The following APOL5 variants were observed in gnomAD, a reference collection of about 807,000 sequenced individuals.
The protein encoded by APOL5 is apolipoprotein L, 5.
A neutral mutation model predicts 35.5 loss-of-function variants in APOL5; 29 were observed. The observed-to-expected ratio is 0.82, with a 90% confidence interval of 0.61 to 1.11. The LOEUF is 1.11. Among genes scored for constraint, APOL5 ranks in the 50% most tolerant of loss-of-function variants. APOL5 has a pLI of 0.00. For synonymous variants in APOL5, 188 were observed against 200.2 expected, an observed-to-expected ratio of 0.94 and a Z score of 0.51; for missense variants, 514 against 530.4, an observed-to-expected ratio of 0.97 and a Z score of 0.30.
intron 3 of APOL5, among the ~76,000 whole-genome samples, chr22:35,728,373 G>A (rs1317375261): frequency 1.3e-5 from 2 of 152,108 alleles, no homozygotes; most frequent in Admixed American, 6.5e-5. Flanking sequence ...ACAGGCGCCC[G>A]CCACGACGCC....
At chr22:35,717,235 A>AAAAAAAAAAAAAAATATATATATATAT, upstream of APOL5, among the ~76,000 whole-genome samples, 2 of 57,662 alleles carry the variant, frequency 3.5e-5, no homozygotes, top group Non-Finnish European at 6.2e-5. Flanking sequence ...AAAAAAAAAA[A>AAAAAAAAAAAAAAATATATATATATAT]ATATATATAT....
chr22:35,712,791 C>G, the APOL5 span, among the ~76,000 whole-genome samples: 1 of 152,146 alleles, frequency 6.6e-6, no homozygotes, highest in South Asian at 2.1e-4. Context: ...GGCCTTCTAC[C>G]TGAATTTCTA....
chr22:35,729,010 G>T, intron 4 of APOL5, 106 bp downstream of exon 4: 1 of 1,272,172 alleles, frequency 7.9e-7, no homozygotes, highest in Non-Finnish European at 1.0e-6. Context: ...GCCTAACGGG[G>T]ACAGAGGTTG....
At chr22:35,720,545 C>T in intron 1 of APOL5, 23 bp from the exon 2 acceptor site, 1 of 1,611,962 alleles carries the variant, frequency 6.2e-7, no homozygotes, top group Non-Finnish European at 8.5e-7. Flanking sequence ...GAAGAAATGT[C>T]CCTGATCCTT....
At position 35,726,024 on chromosome 22, in the gene APOL5, A is replaced by T. The variant is rs1927140449; in HGVS notation, c.143-187A>T. 1.3e-5 allele frequency among the ~76,000 whole-genome samples: 2 copies of T among 152,242 alleles called. 1 individual carries two copies. Among genetic ancestry groups the T allele is most frequent in the South Asian group, 4.1e-4 (2 of 4,828 alleles). On this transcript the variant is annotated intron_variant, in intron 2 of 4. Transcript: ENST00000249044. ...CCCAAAGTTAGTTCAGCTTATGCCCAGAAGAATGAACGAGAACAGCTTGGA... is the reference window on the plus strand; with the variant it reads ...CCCAAAGTTAGTTCAGCTTATGCCCTGAAGAATGAACGAGAACAGCTTGGA...
In APOL5 at chr22:35,720,447, C is replaced by CT. The variant is rs1555930798; in HGVS notation, c.56-111dup. The CT allele has an allele frequency of 6.9e-3, 4,182 of 604,484 alleles. 5 individuals are homozygous for CT. Among genetic ancestry groups the CT allele is most frequent in the Admixed American group, 8.5e-3 (232 of 27,258 alleles). The allele number at this position is 604,484 out of a possible 1,614,324, so 37.4% of individuals were successfully genotyped here. A position where few individuals can be genotyped will look rare whatever the true frequency, so the allele number is the denominator to read the frequency against. On this transcript the variant is annotated intron_variant, in intron 1 of 4. Transcript: ENST00000249044. ...GAGACATTAAGATTTTTGTTGTATT[C>CT]TTTTTTTTTTCTAATTCTCCAATAT...
rs1467704869 is a variant in APOL5, at chr22:35,726,222, A to T, written c.154A>T (p.Asn52Tyr). The change falls in exon 3 of 5, where the codon AAC (asparagine) becomes TAC (tyrosine). Residue 52 changes from asparagine to tyrosine, a missense_variant. This residue lies in a region of APOL5 where 254 missense variants were observed against 254.7 expected (regional missense o/e 1.00). Coordinates refer to ENST00000249044, the MANE Select transcript of APOL5 (RefSeq NM_030642.1). ...CTAGATGTCTTTAGCCTCACTCGTG[A>T]ACCTGTGCCAGAGTTGGAAAATTAA... ...SPEPEFPSLV[N>Y]LCQSWKINNL... is the part of the protein sequence containing the mutation. 1 of 1,609,938 alleles carries T rather than the reference A, an allele frequency of 6.2e-7. No individual in the cohort carries two copies. Among genetic ancestry groups the T allele is most frequent in the Non-Finnish European group, 8.5e-7 (1 of 1,176,376 alleles).
upstream of APOL5, among the ~76,000 whole-genome samples, chr22:35,716,893 C>T (rs1291244062): frequency 1.0e-5 from 1 of 99,264 alleles, no homozygotes; most frequent in Non-Finnish European, 2.0e-5. Flanking sequence ...TTTTGTATTG[C>T]TCTATTTTCA....
chr22:35,727,651 G>A (rs1303731311), intron 3 of APOL5, among the ~76,000 whole-genome samples: 3 of 152,184 alleles, frequency 2.0e-5, no homozygotes, highest in Admixed American at 6.5e-5. Context: ...AGTCTGGGTG[G>A]CGACAGCTGA....
chr22:35,727,313 C>T, intron 3 of APOL5, 119 bp downstream of exon 3: 1 of 1,424,734 alleles, frequency 7.0e-7, no homozygotes, highest in Non-Finnish European at 9.3e-7. Flanking sequence ...GCCCCTTCTG[C>T]AAAGAGAGGA....
At chr22:35,714,237 G>A (rs1048776753), upstream of APOL5, among the ~76,000 whole-genome samples, 1 of 152,180 alleles carries the variant, frequency 6.6e-6, no homozygotes, top group Admixed American at 6.5e-5. Flanking sequence ...GCTTGAACCT[G>A]GGCGGCGGAG....
At chr22:35,724,512 T>C in intron 2 of APOL5, among the ~76,000 whole-genome samples, 1 of 152,284 alleles carries the variant, frequency 6.6e-6, no homozygotes, top group South Asian at 2.1e-4. Flanking sequence ...TGTATGTATA[T>C]CTTTATTAGG....
At position 35,726,704 on chromosome 22, in the gene APOL5, T is replaced by G. The variant is rs201680926; in HGVS notation, c.636T>G (p.His212Gln). 7.6e-5 allele frequency: 122 copies of G among 1,614,218 alleles called. No individual in the cohort carries two copies. The highest frequency in any genetic ancestry group is 9.4e-5 in the Non-Finnish European group (111 of 1,180,036). The change falls in exon 3 of 5, where the codon CAT becomes CAG. Residue 212 changes from histidine (H) to glutamine (Q), a missense_variant. Around this residue, in one of 3 missense-constraint regions of APOL5, gnomAD observed 254 missense variants for 254.7 expected, o/e 1.00. Transcript: ENST00000249044. ...ASRLGPLTTS[H>Q]EAFGGINWSE... ...GACTGGGGCCTCTGACAACATCACA[T>G]GAGGCTTTCGGAGGAATAAATTGGT...
the APOL5 span, among the ~76,000 whole-genome samples, chr22:35,710,600 T>A: frequency 6.6e-6 from 1 of 152,060 alleles, no homozygotes; most frequent in Non-Finnish European, 1.5e-5. Context: ...GTCAGTGGCA[T>A]TAGGTATATT....
upstream of APOL5, chr22:35,717,751 AAAGAAAGAAAAGAAAAG>A: frequency 8.3e-6 from 3 of 361,802 alleles, no homozygotes; most frequent in Non-Finnish European, 1.2e-5. Flanking sequence ...AAAAAAAAAA[AAAGAAAGAAAAGAAAAG>A]AAAAAAAAAT....
intron 2 of APOL5, among the ~76,000 whole-genome samples, chr22:35,724,692 TC>T (rs1348684891): frequency 6.6e-6 from 1 of 151,998 alleles, no homozygotes; most frequent in Non-Finnish European, 1.5e-5. Flanking sequence ...CACTGCAACC[TC>T]CCCGCCTCCT....
At chr22:35,720,767 CAG>C (rs763585623) in intron 2 of APOL5, 113 bp downstream of exon 2, 25 of 758,124 alleles carry the variant, frequency 3.3e-5, no homozygotes, top group Non-Finnish European at 4.9e-5. Flanking sequence ...TGTTTTGAGA[CAG>C]AGTCTCTTCT....
At chr22:35,717,184 G>A (rs1276681262), upstream of APOL5, among the ~76,000 whole-genome samples, 1 of 137,044 alleles carries the variant, frequency 7.3e-6, no homozygotes, top group Non-Finnish European at 1.5e-5. Flanking sequence ...TCAGGAGTTA[G>A]AGATTAGCCT....
At chr22:35,729,179 G>A (rs1369041683) in intron 4 of APOL5, among the ~76,000 whole-genome samples, 175 bp from the exon 5 acceptor site, 2 of 152,182 alleles carry the variant, frequency 1.3e-5, no homozygotes, top group Non-Finnish European at 2.9e-5. Context: ...TCTGTGCCGG[G>A]CATCATGCCA....
Sources: gnomAD v4.1 joint callset for allele counts (sites outside exome capture counted in the v4.1 genomes callset) on GRCh38, gnomAD v4.1.1 for gene constraint, gnomAD v4.1.1 regional missense constraint, MANE v1.5 for transcripts, NCBI Gene and HGNC (gene_info 2026-07-23, HGNC 2026-07-21) for gene names.